ANKS1B: variants seen among roughly 807,000 people sequenced by gnomAD.
ANKS1B encodes the protein ankyrin repeat and sterile alpha motif domain-containing protein 1B.
Under a neutral mutation model 148.3 loss-of-function variants are expected in ANKS1B, and 36 were observed. The ratio of observed to expected loss-of-function variants is 0.24; its 90% CI spans 0.19 to 0.32. ANKS1B has a LOEUF of 0.32. Among genes scored for constraint, ANKS1B ranks in the 10% least tolerant of loss-of-function variants. The pLI is 1.00. For synonymous variants in ANKS1B, 542 were observed against 560.8 expected (o/e 0.97, Z 0.47); for missense variants, 1,157 against 1,542.6 (o/e 0.75, Z 4.19).
At chr12:99,829,063 G>C (rs1468591590) in intron 1 of ANKS1B, among the ~76,000 whole-genome samples, 1 of 151,812 alleles carries the variant, frequency 6.6e-6, no homozygotes, top group Non-Finnish European at 1.5e-5. Context: ...ACAAATAGAA[G>C]GGAAATCATA....
At chr12:99,793,078 A>T (rs1024992136) in intron 4 of ANKS1B, among the ~76,000 whole-genome samples, 3 of 151,964 alleles carry the variant, frequency 2.0e-5, no homozygotes, top group African/African-American at 7.2e-5. Flanking sequence ...AGAAAATTTT[A>T]AAAATCCCAT....
chr12:99,203,261 T>G (rs887532391), intron 14 of ANKS1B, among the ~76,000 whole-genome samples: 2 of 152,164 alleles, frequency 1.3e-5, no homozygotes, highest in African/African-American at 4.8e-5. Context: ...TCTTTTGCGT[T>G]GCATGGTTCC....
chr12:99,672,666 CCTT>C (rs1341631121), intron 8 of ANKS1B, among the ~76,000 whole-genome samples: 1 of 152,140 alleles, frequency 6.6e-6, no homozygotes, highest in African/African-American at 2.4e-5. Context: ...CCTACAGAAA[CCTT>C]CTCCAGTAAG....
At chr12:98,900,866 C>A (rs2099771002) in intron 17 of ANKS1B, among the ~76,000 whole-genome samples, 1 of 152,154 alleles carries the variant, frequency 6.6e-6, no homozygotes, top group African/African-American at 2.4e-5. Context: ...GGACTCTAAT[C>A]TTGTGGAACT....
intron 9 of ANKS1B, among the ~76,000 whole-genome samples, chr12:99,629,169 T>A (rs2098135602): frequency 6.6e-6 from 1 of 152,126 alleles, no homozygotes; most frequent in Non-Finnish European, 1.5e-5. Flanking sequence ...CCATCTAACC[T>A]TTTACAGAGT....
intron 11 of ANKS1B, among the ~76,000 whole-genome samples, chr12:99,432,873 G>A (rs1475102849): frequency 2.0e-5 from 3 of 152,132 alleles, no homozygotes; most frequent in African/African-American, 4.8e-5. Flanking sequence ...TAAACAACGT[G>A]GAGAACGGTA....
chr12:99,241,188 A>G (rs981076355), intron 14 of ANKS1B, among the ~76,000 whole-genome samples: 24 of 152,216 alleles, frequency 1.6e-4, no homozygotes, highest in African/African-American at 5.5e-4. Flanking sequence ...AGAATCAAAC[A>G]GATGCAATAA....
Position 99,945,004 on chromosome 12 carries a change from A to C in ANKS1B, c.134+39100T>G, listed in dbSNP as rs116274488. On this transcript the variant is annotated intron_variant, in intron 1 of 26. Coordinates refer to ENST00000683438, the MANE Select transcript of ANKS1B (RefSeq NM_001352186.2). ...ATCAACTTAGCAGCTAATTTTACTA[A>C]GCAAATATGTGCCAACCACTCTTCT... is the stretch of plus-strand genomic sequence containing the variant. Among the ~76,000 whole-genome samples the C allele has an allele frequency of 3.7e-3, 569 of 152,278 alleles. 6 individuals carry two copies. The highest frequency in any genetic ancestry group is 0.028 in the South Asian group (136 of 4,824).
chr12:99,148,108 CTG>C (rs571609460), intron 15 of ANKS1B, among the ~76,000 whole-genome samples: 40 of 152,202 alleles, frequency 2.6e-4, no homozygotes, highest in Admixed American at 5.9e-4. Flanking sequence ...AGAAATATGA[CTG>C]TGGCTGGATT....
At chr12:98,881,091 T>C (rs1338680735) in intron 17 of ANKS1B, among the ~76,000 whole-genome samples, 6 of 152,324 alleles carry the variant, frequency 3.9e-5, no homozygotes, top group East Asian at 1.9e-4. Context: ...GCAAATAATA[T>C]GGAAAATAGT....
At chr12:99,050,650 C>T (rs578021596) in intron 17 of ANKS1B, among the ~76,000 whole-genome samples, 12 of 151,536 alleles carry the variant, frequency 7.9e-5, no homozygotes, top group Admixed American at 5.9e-4. Flanking sequence ...TGTTAAGAGC[C>T]AACATGGGTG....
At chr12:98,803,333 A>G (rs2099021556) in intron 20 of ANKS1B, among the ~76,000 whole-genome samples, 1 of 152,154 alleles carries the variant, frequency 6.6e-6, no homozygotes, top group South Asian at 2.1e-4. Flanking sequence ...GCTTTACCCA[A>G]ATCTATCAAA....
chr12:99,827,517 G>T (rs371844008), intron 1 of ANKS1B, among the ~76,000 whole-genome samples: 1 of 152,124 alleles, frequency 6.6e-6, no homozygotes, highest in African/African-American at 2.4e-5. Context: ...TTTCAGCTAC[G>T]TGAGTAGATT....
chr12:98,838,230 T>G (rs993258273), intron 17 of ANKS1B, among the ~76,000 whole-genome samples: 2 of 152,200 alleles, frequency 1.3e-5, no homozygotes, highest in East Asian at 1.9e-4. Flanking sequence ...TCCACATGCT[T>G]AAATAATTCT....
At chr12:98,882,556 C>G in intron 17 of ANKS1B, among the ~76,000 whole-genome samples, 1 of 152,064 alleles carries the variant, frequency 6.6e-6, no homozygotes, top group Non-Finnish European at 1.5e-5. Context: ...CAAAAACTAG[C>G]TTTGTGATTT....
At chr12:99,745,914 T>C (rs1601279274) in intron 8 of ANKS1B, among the ~76,000 whole-genome samples, 1 of 151,996 alleles carries the variant, frequency 6.6e-6, no homozygotes, top group East Asian at 1.9e-4. Context: ...AAGACAATGA[T>C]TTTCTAAATA....
chr12:98,817,839 C>T (rs2099153614), intron 19 of ANKS1B, among the ~76,000 whole-genome samples: 1 of 152,184 alleles, frequency 6.6e-6, no homozygotes, highest in South Asian at 2.1e-4. Flanking sequence ...CCTTCCAAAA[C>T]TTCATGATCG....
intron 9 of ANKS1B, among the ~76,000 whole-genome samples, chr12:99,509,058 G>T (rs1311140409): frequency 2.0e-5 from 3 of 151,712 alleles, no homozygotes; most frequent in African/African-American, 7.3e-5. Flanking sequence ...TGTTACTGTT[G>T]TAATTGTTTT....
intron 9 of ANKS1B, among the ~76,000 whole-genome samples, chr12:99,576,734 AG>A (rs2097523630): frequency 6.6e-6 from 1 of 152,138 alleles, no homozygotes; most frequent in African/African-American, 2.4e-5. Context: ...CAGCTAAAGT[AG>A]TTTTAAGAGG....
Sources: gnomAD v4.1 joint callset for allele counts (sites outside exome capture counted in the v4.1 genomes callset) on GRCh38, gnomAD v4.1.1 for gene constraint, MANE v1.5 for transcripts, NCBI Gene and HGNC (gene_info 2026-07-23, HGNC 2026-07-21) for gene names.